Variants in ADAM7 observed in about 807,000 individuals in gnomAD.
ADAM7 encodes the protein ADAM metallopeptidase domain 7.
ADAM7 carries 97 observed loss-of-function variants against 102.9 expected under a neutral mutation model. The observed-to-expected ratio is 0.94, with a 90% CI of 0.80 to 1.12. The LOEUF (loss-of-function observed/expected upper bound fraction) is 1.12, where lower values mean the gene tolerates loss of function less well. Among genes scored for constraint, ADAM7 ranks in the 50% most tolerant of loss-of-function variants. The pLI is 0.00. For missense variants in ADAM7, 991 were observed against 908.7 expected (o/e 1.09, Z -1.16); for synonymous variants, 334 against 304.4 (o/e 1.10, Z -1.01).
At chr8:24,484,777 C>T (rs1395087138) in intron 9 of ADAM7, among the ~76,000 whole-genome samples, 1 of 141,242 alleles carries the variant, frequency 7.1e-6, no homozygotes, top group African/African-American at 2.6e-5. Flanking sequence ...TACCTTTCTA[C>T]AATTTCAGTG....
intron 17 of ADAM7, among the ~76,000 whole-genome samples, chr8:24,499,973 T>C (rs1820698531): frequency 6.6e-6 from 1 of 152,124 alleles, no homozygotes; most frequent in Non-Finnish European, 1.5e-5. Context: ...TCACAGGCCG[T>C]TTTCAAAGAT....
In ADAM7 at chr8:24,447,140, C is replaced by G. The variant is rs769812299; in HGVS notation, c.157-46C>G. On this transcript the variant is annotated intron_variant, in intron 2 of 21. Coordinates refer to ENST00000175238, the MANE Select transcript of ADAM7 (RefSeq NM_003817.4). ...AAAGCACTACTTGCTCCAGAACACACTAAATGAGCCCATGTTGAAGTCACG... is the reference window on the plus strand; with the variant it reads ...AAAGCACTACTTGCTCCAGAACACAGTAAATGAGCCCATGTTGAAGTCACG... The G allele has an allele frequency of 1.5e-5, 18 of 1,166,664 alleles. 1 individual carries two copies. The South Asian group carries it at 2.4e-4, about 15-fold the overall frequency. 72.3% of individuals were successfully genotyped at this position (1,166,664 alleles called of 1,614,324 possible). A position where few individuals can be genotyped will look rare whatever the true frequency, so the allele number is the denominator to read the frequency against.
At chr8:24,485,474 A>G (rs1369660471) in intron 10 of ADAM7, 113 bp downstream of exon 10, 2 of 840,506 alleles carry the variant, frequency 2.4e-6, no homozygotes, top group Non-Finnish European at 1.9e-6. Flanking sequence ...ACTCACTAAG[A>G]TATGTCATGA....
At chr8:24,448,378 T>C (rs1339234371) in intron 3 of ADAM7, among the ~76,000 whole-genome samples, 3 of 152,120 alleles carry the variant, frequency 2.0e-5, no homozygotes, top group East Asian at 1.9e-4. Flanking sequence ...ATTCTGCTAA[T>C]CAGCCTGTAG....
chr8:24,500,854 A>C lies in ADAM7; in HGVS notation c.2067A>C (p.Leu689Phe). 6.2e-7 allele frequency: 1 copy of C among 1,613,334 alleles called. No individual in the cohort carries two copies. Reference sequence around the variant, plus strand: ...TCGGTATCGGAGTTCTTATACTATTAGTTCGTTACCGAAAATGTATCAAGT... The same window carrying C: ...TCGGTATCGGAGTTCTTATACTATTCGTTCGTTACCGAAAATGTATCAAGT... ...VIVGIGVLILLVRYRKCIKLK... is the reference protein window; with the variant it reads ...VIVGIGVLILFVRYRKCIKLK... The change falls in exon 19 of 22, where the codon TTA becomes TTC. Residue 689 changes from leucine to phenylalanine, a missense_variant. By Grantham distance (22) the Leu-to-Phe change is conservative (BLOSUM62 0). Transcript: ENST00000175238.
intron 7 of ADAM7, among the ~76,000 whole-genome samples, chr8:24,469,226 A>C (rs1819527023): frequency 6.6e-6 from 1 of 152,176 alleles, no homozygotes; most frequent in East Asian, 1.9e-4. Flanking sequence ...TTGTAATGTA[A>C]TTGAATGTAA....
At chr8:24,471,049 C>T (rs967398968) in intron 7 of ADAM7, among the ~76,000 whole-genome samples, 4 of 151,528 alleles carry the variant, frequency 2.6e-5, no homozygotes, top group African/African-American at 9.7e-5. Context: ...TAGGTTTAGG[C>T]TAATGTGTGT....
chr8:24,499,671 G>A (rs1820680577), intron 17 of ADAM7, among the ~76,000 whole-genome samples: 4 of 152,126 alleles, frequency 2.6e-5, no homozygotes, highest in South Asian at 2.1e-4. Flanking sequence ...TTAAGCTTTT[G>A]AGAAAATCAG....
chr8:24,508,450 G>A, intron 21 of ADAM7, 96 bp from the exon 22 acceptor site: 1 of 1,269,620 alleles, frequency 7.9e-7, no homozygotes, highest in Non-Finnish European at 1.1e-6. Context: ...ACACAGAAAG[G>A]TTATTCTAAT....
chr8:24,446,049 G>A (rs141849499), intron 2 of ADAM7, among the ~76,000 whole-genome samples: 10 of 148,086 alleles, frequency 6.8e-5, no homozygotes, highest in South Asian at 6.5e-4. Context: ...GACCTCCACC[G>A]TCTACACCAT....
chr8:24,477,569 A>AGTGTGTGTGTGTGTGT (rs370769372), intron 8 of ADAM7, among the ~76,000 whole-genome samples: 3 of 145,676 alleles, frequency 2.1e-5, no homozygotes, highest in South Asian at 2.3e-4. Context: ...TACCCTCATC[A>AGTGTGTGTGTGTGTGT]GTGTGTGTGT....
intron 3 of ADAM7, among the ~76,000 whole-genome samples, chr8:24,449,690 T>C (rs1377794212): frequency 5.3e-5 from 8 of 152,180 alleles, no homozygotes; most frequent in Non-Finnish European, 1.0e-4. Context: ...TTTGTTGCCA[T>C]TGCTTTTGGT....
In ADAM7 at chr8:24,476,520, GT is replaced by G; in HGVS notation, c.705+21del. 1.3e-6 allele frequency: 2 copies of G among 1,589,994 alleles called. No homozygotes were observed. Among genetic ancestry groups the G allele is most frequent in the Non-Finnish European group, 8.6e-7 (1 of 1,160,318 alleles). On this transcript the variant is annotated intron_variant, in intron 8 of 21. Coordinates refer to ENST00000175238, the MANE Select transcript of ADAM7 (RefSeq NM_003817.4). ...TGTCAACATGGTAAGATTTGATACA[GT>G]TTTTGAATCAAGCCAATAATACGAA...
chr8:24,502,193 C>T (rs1820785655), intron 20 of ADAM7, among the ~76,000 whole-genome samples: 1 of 151,244 alleles, frequency 6.6e-6, no homozygotes. Context: ...AAGGAATAAT[C>T]AAAAGGGAAA....
In ADAM7 at chr8:24,507,528, G is replaced by T. The variant is rs780030434; in HGVS notation, c.2257G>T (p.Ala753Ser). 2 of 1,611,824 alleles carry T rather than the reference G, an allele frequency of 1.2e-6. No homozygotes were observed. Among genetic ancestry groups the T allele is most frequent in the Admixed American group, 3.3e-5 (2 of 59,960 alleles). ...SRGIADPNQSAK is the reference protein window; with the variant it reads ...SRGIADPNQSSK ...AGGAATCGCAGATCCCAATCAAAGTGCCAAGTGGTAGGTTACCCTGACAGA... is the reference window on the plus strand; with the variant it reads ...AGGAATCGCAGATCCCAATCAAAGTTCCAAGTGGTAGGTTACCCTGACAGA... The change falls in exon 21 of 22, where the codon GCC (alanine) becomes TCC (serine). Residue 753 changes from alanine to serine, a missense_variant. Physicochemically the swap from Ala to Ser is moderately conservative, Grantham distance 99 (BLOSUM62 1). Transcript: ENST00000175238.
At position 24,457,865 on chromosome 8, in the gene ADAM7, T is replaced by TGTGTGA. The variant is rs151208323; in HGVS notation, c.234-6012_234-6011insAGTGTG. Among the ~76,000 whole-genome samples the TGTGTGA allele has an allele frequency of 9.2e-4, 127 of 138,402 alleles. 1 individual carries two copies. Among genetic ancestry groups the TGTGTGA allele is most frequent in the African/African-American group, 3.0e-3 (92 of 30,932 alleles). 90.8% of individuals were successfully genotyped at this position (138,402 alleles called of 152,430 possible). A position where few individuals can be genotyped will look rare whatever the true frequency, so the allele number is the denominator to read the frequency against. Reference sequence around the variant, plus strand: ...TTGTGTATGTGCATATGTGTGTGAGTGTGTGTGTGTGTGTGTGTGTGTGTG... The same window carrying TGTGTGA: ...TTGTGTATGTGCATATGTGTGTGAGTGTGTGAGTGTGTGTGTGTGTGTGTGTGTGTG... On this transcript the variant is annotated intron_variant, in intron 3 of 21. Transcript: ENST00000175238.
At chr8:24,467,128 G>A (rs116973115) in intron 6 of ADAM7, 140 bp downstream of exon 6, 8,704 of 826,432 alleles carry the variant, frequency 0.011, 67 homozygotes, top group Middle Eastern at 0.014. Flanking sequence ...TTTGAAATTG[G>A]AAAATTTTTT....
chr8:24,487,296 G>C lies in ADAM7; in HGVS notation c.1070G>C (p.Cys357Ser). The C allele has an allele frequency of 2.5e-6, 4 of 1,613,738 alleles. No homozygotes were observed. The highest frequency in any genetic ancestry group is 3.4e-6 in the Non-Finnish European group (4 of 1,179,796). Residue 357 changes from cysteine (C) to serine (S), a missense_variant, in exon 11 of 22, where the codon TGC becomes TCC. Physicochemically the swap from Cys to Ser is moderately radical, Grantham distance 112. Coordinates refer to ENST00000175238, the MANE Select transcript of ADAM7 (RefSeq NM_003817.4). ...EFPCTCPSGK[C>S]VMDSDGSIPA... Reference sequence around the variant, plus strand: ...CCATGCACCTGTCCTTCAGGAAAATGCGTGATGGACAGTGATGGAAGGTGA... The same window carrying C: ...CCATGCACCTGTCCTTCAGGAAAATCCGTGATGGACAGTGATGGAAGGTGA...
chr8:24,492,666 G>C, intron 15 of ADAM7, 69 bp downstream of exon 15: 1 of 1,146,484 alleles, frequency 8.7e-7, no homozygotes, highest in Non-Finnish European at 1.3e-6. Flanking sequence ...AATGGCTCCT[G>C]TCCCCAGACC....
Sources: allele counts gnomAD v4.1 joint callset (sites outside exome capture counted in the v4.1 genomes callset), GRCh38; gene constraint gnomAD v4.1.1; transcripts MANE v1.5; gene names NCBI Gene and HGNC (gene_info 2026-07-23, HGNC 2026-07-21).